Variants in AFAP1 observed in about 807,000 individuals in gnomAD.
The protein encoded by AFAP1 is actin filament associated protein 1, also known as actin filament-associated protein 1.
AFAP1 carries 75 observed loss-of-function variants against 93.9 expected under a neutral mutation model. The ratio of observed to expected loss-of-function variants is 0.80; its 90% CI spans 0.66 to 0.97. The LOEUF (loss-of-function observed/expected upper bound fraction) is 0.97. AFAP1 is among the 50% of genes least tolerant of loss of function. The pLI is 0.00. For synonymous variants in AFAP1, 517 were observed against 430.7 expected (o/e 1.20, Z -2.48); for missense variants, 1,201 against 1,050.8 (o/e 1.14, Z -1.98).
At chr4:7,886,200 T>C (rs1718131539) in intron 1 of AFAP1, among the ~76,000 whole-genome samples, 1 of 152,228 alleles carries the variant, frequency 6.6e-6, no homozygotes. Context: ...TAAACTTCTT[T>C]GATTCCCAGT....
At chr4:7,856,633 G>T (rs919481633) in intron 3 of AFAP1, among the ~76,000 whole-genome samples, 1 of 152,154 alleles carries the variant, frequency 6.6e-6, no homozygotes, top group Non-Finnish European at 1.5e-5. Flanking sequence ...CTCACTCCGC[G>T]CCTCGGGACA....
intron 5 of AFAP1, among the ~76,000 whole-genome samples, chr4:7,840,910 T>C (rs1026198167): frequency 6.6e-6 from 1 of 152,198 alleles, no homozygotes; most frequent in Non-Finnish European, 1.5e-5. Flanking sequence ...GGGTACAGAG[T>C]GATGCTTTGA....
intron 14 of AFAP1, 184 bp from the exon 15 acceptor site, chr4:7,775,087 G>A (rs1012640827): frequency 7.6e-6 from 5 of 655,196 alleles, no homozygotes; most frequent in Non-Finnish European, 1.3e-5. Context: ...GCTGCAGTGA[G>A]CTGTGATCCT....
At chr4:7,780,835 C>T (rs1716690553) in intron 13 of AFAP1, among the ~76,000 whole-genome samples, 2 of 151,450 alleles carry the variant, frequency 1.3e-5, no homozygotes, top group Admixed American at 1.3e-4. Context: ...GGAGAAACAC[C>T]ACCGTACTCT....
At chr4:7,870,565 G>A (rs1716934201) in intron 2 of AFAP1, among the ~76,000 whole-genome samples, 1 of 152,142 alleles carries the variant, frequency 6.6e-6, no homozygotes, top group South Asian at 2.1e-4. Flanking sequence ...GCTGCAGTGG[G>A]AGGATCACCT....
rs1039775183 is a variant in AFAP1 at position 7,885,491 on chromosome 4, T to C, written c.-2-13411A>G. Among the ~76,000 whole-genome samples the C allele has an allele frequency of 1.1e-4, 16 of 152,336 alleles. No homozygotes were observed. The East Asian group carries it at 1.4e-3, about 13-fold the overall frequency. ...GACCATCACCGCCTCTCTCCCGCTA[T>C]GCTGTAATAACAGGCTAATTTGTCT... On this transcript the variant is annotated intron_variant, in intron 1 of 17. Coordinates refer to ENST00000420658, the MANE Select transcript of AFAP1 (RefSeq NM_001134647.2).
intron 3 of AFAP1, among the ~76,000 whole-genome samples, chr4:7,863,401 A>G (rs1288545833): frequency 1.3e-5 from 2 of 152,238 alleles, no homozygotes; most frequent in Admixed American, 1.3e-4. Context: ...CCTGGGCGAC[A>G]AAGCGAGACT....
At position 7,775,136 on chromosome 4, in the gene AFAP1, G is replaced by A. The variant is rs1173338450; in HGVS notation, c.1898-233C>T. On this transcript the variant is annotated intron_variant, in intron 14 of 17. Coordinates refer to ENST00000420658, the MANE Select transcript of AFAP1 (RefSeq NM_001134647.2). The stretch of plus-strand genomic sequence containing the variant: ...AGCCTGGATGACAGTGAGACCCCGT[G>A]TCAAAAAAAAATTAGGTTTATTCAA... The A allele has an allele frequency of 5.6e-5, 26 of 461,102 alleles. No homozygotes were observed. In the East Asian group the frequency reaches 8.9e-4, roughly 16 times the overall value. The allele number at this position is 461,102 out of a possible 1,614,324, so 28.6% of individuals were successfully genotyped here.
Position 7,868,673 on chromosome 4 carries a change from G to A in AFAP1, c.174C>T (p.Ser58=), listed in dbSNP as rs942699349. The part of the protein sequence containing the change: ...DHAQKQETAN[S]LPAPPQMPLP... ...GGGGCATCTGAGGAGGGGCTGGCAG[G>A]CTGTTAGCGGTCTCCTGCTTCTGAG... The change falls in exon 3 of 18, where the codon AGC becomes AGT. Residue 58 remains serine, a synonymous_variant. Transcript: ENST00000420658. 2 of 1,613,312 alleles carry A rather than the reference G, an allele frequency of 1.2e-6. No individual in the cohort carries two copies. The highest frequency in any genetic ancestry group is 2.7e-5 in the African/African-American group (2 of 74,924).
intron 3 of AFAP1, among the ~76,000 whole-genome samples, chr4:7,866,452 T>C (rs1464810517): frequency 6.6e-6 from 1 of 152,214 alleles, no homozygotes; most frequent in African/African-American, 2.4e-5. Flanking sequence ...CGCCTCAGCC[T>C]CCCAAAGTGC....
intron 6 of AFAP1, among the ~76,000 whole-genome samples, chr4:7,831,553 TTTG>T (rs748409220): frequency 6.6e-6 from 1 of 152,200 alleles, no homozygotes; most frequent in Non-Finnish European, 1.5e-5. Context: ...TTGAGAAAGT[TTTG>T]TTTTTACTGG....
intron 16 of AFAP1, among the ~76,000 whole-genome samples, chr4:7,770,307 G>A (rs1299209591): frequency 6.6e-6 from 1 of 152,194 alleles, no homozygotes; most frequent in Non-Finnish European, 1.5e-5. Context: ...AGAATGTGGA[G>A]CCACCATAGA....
At chr4:7,798,632 T>C (rs1718717016) in intron 10 of AFAP1, among the ~76,000 whole-genome samples, 1 of 152,244 alleles carries the variant, frequency 6.6e-6, no homozygotes, top group Non-Finnish European at 1.5e-5. Flanking sequence ...CAATTCTTGC[T>C]GTCGTGTCAT....
At chr4:7,937,881 A>G (rs1229998968) in intron 1 of AFAP1, among the ~76,000 whole-genome samples, 1 of 152,212 alleles carries the variant, frequency 6.6e-6, no homozygotes, top group Non-Finnish European at 1.5e-5. Flanking sequence ...GGAGAGTCAA[A>G]GAATTGCAGA....
At chr4:7,833,809 C>A (rs11728891) in intron 6 of AFAP1, among the ~76,000 whole-genome samples, 11 of 151,828 alleles carry the variant, frequency 7.2e-5, no homozygotes, top group African/African-American at 2.7e-4. Context: ...AGGATAGTCC[C>A]GATCTCCTGA....
At chr4:7,834,126 C>CACACACACAT (rs1711985165) in intron 6 of AFAP1, among the ~76,000 whole-genome samples, 2 of 130,264 alleles carry the variant, frequency 1.5e-5, no homozygotes, top group Non-Finnish European at 3.2e-5. Context: ...CACACACACA[C>CACACACACAT]ACATATATAC....
chr4:7,871,403 C>G (rs1229057202), intron 2 of AFAP1, among the ~76,000 whole-genome samples: 1 of 152,126 alleles, frequency 6.6e-6, no homozygotes, highest in African/African-American at 2.4e-5. Context: ...GCAGAGGGTG[C>G]CTAGAGGACC....
At chr4:7,791,223 GCTGT>G (rs1430695526) in intron 11 of AFAP1, among the ~76,000 whole-genome samples, 1 of 152,172 alleles carries the variant, frequency 6.6e-6, no homozygotes, top group Admixed American at 6.5e-5. Context: ...TCTGCCAGCA[GCTGT>G]CTGTATGTTT....
In AFAP1 at chr4:7,939,247, A is replaced by T. The variant is rs1721579933; in HGVS notation, c.-3+409T>A. The T allele has an allele frequency of 3.6e-6, 1 of 277,372 alleles. No homozygotes were observed. Among genetic ancestry groups the T allele is most frequent in the Non-Finnish European group, 7.3e-6 (1 of 137,266 alleles). The allele number at this position is 277,372 out of a possible 1,614,324, so 17.2% of individuals were successfully genotyped here. ...CCGCGCAGTCCCCTCGGTAAGTCGG[A>T]CGAAGCAGTCTCGCTACGGGGGAGG... On this transcript the variant is annotated intron_variant, in intron 1 of 17. Transcript: ENST00000420658. The surrounding 1 kb of genome is among the most constrained non-coding windows in gnomAD (Gnocchi z 5.6).
Sources: allele counts gnomAD v4.1 joint callset (sites outside exome capture counted in the v4.1 genomes callset), GRCh38; gene constraint gnomAD v4.1.1; non-coding constraint Gnocchi (gnomAD v3.1); transcripts MANE v1.5; gene names NCBI Gene and HGNC (gene_info 2026-07-23, HGNC 2026-07-21).